TF: variants seen among roughly 807,000 people sequenced by gnomAD.
The protein encoded by TF is transferrin.
Under a neutral mutation model 82.4 loss-of-function variants are expected in TF, and 55 were observed. That is an observed-to-expected ratio of 0.67 (90% CI 0.54 to 0.84). TF has a LOEUF of 0.84. Among genes scored for constraint, TF ranks in the 40% least tolerant of loss-of-function variants. The pLI is 0.00. For missense variants in TF, 737 were observed against 868.4 expected, an observed-to-expected ratio of 0.85 and a Z score of 1.90; for synonymous variants, 332 against 332.6, an observed-to-expected ratio of 1.00 and a Z score of 0.02.
At position 133,778,945 on chromosome 3, in the gene TF, C is replaced by T; in HGVS notation, c.*325C>T. 1 of 342,692 alleles carries T rather than the reference C, an allele frequency of 2.9e-6. No individual in the cohort carries two copies. The highest frequency in any genetic ancestry group is 2.6e-5 in the South Asian group (1 of 38,892). The allele number at this position is 342,692 out of a possible 1,614,324, so 21.2% of individuals were successfully genotyped here. A position where few individuals can be genotyped will look rare whatever the true frequency, so the allele number is the denominator to read the frequency against. On this transcript the variant is annotated 3_prime_UTR_variant, in exon 17 of 17. Coordinates refer to ENST00000402696, the MANE Select transcript of TF (RefSeq NM_001063.4). ...GTGCCATGGCCACATCTCCTGGGTA[C>T]AGTTCAAGGAGACATCTTTTCTAAA...
chr3:133,671,372 A>G, the TF span, among the ~76,000 whole-genome samples: 1 of 152,240 alleles, frequency 6.6e-6, no homozygotes, highest in Non-Finnish European at 1.5e-5. Flanking sequence ...CTGAATAACC[A>G]TGAAGTTATA....
the TF span, among the ~76,000 whole-genome samples, chr3:133,740,986 ATTTTTT>A: frequency 2.1e-5 from 1 of 47,452 alleles, no homozygotes; most frequent in African/African-American, 9.5e-5. Flanking sequence ...ATCCAGCTCT[ATTTTTT>A]TTTTTTTTTT....
rs1299245120 is a variant in TF at position 133,794,667 on chromosome 3, G to A, written c.*16047G>A. The A allele has an allele frequency of 3.3e-5, 5 of 152,160 alleles. No individual in the cohort carries two copies. The highest frequency in any genetic ancestry group is 7.3e-5 in the Non-Finnish European group (5 of 68,036). The allele number at this position is 152,160 out of a possible 1,614,324, so 9.4% of individuals were successfully genotyped here. On this transcript the variant is annotated 3_prime_UTR_variant, in exon 17 of 17. Transcript: ENST00000402696. The stretch of plus-strand genomic sequence containing the variant: ...ACTTTGGGTTCATGATCTCACAACT[G>A]AGAAGAGTCCCTCCACACTCTTGGA...
the TF span, among the ~76,000 whole-genome samples, chr3:133,678,529 CCTGA>C: frequency 6.6e-6 from 1 of 152,196 alleles, no homozygotes; most frequent in Non-Finnish European, 1.5e-5. Flanking sequence ...TCTGTTGTTT[CCTGA>C]CTTTTTAATT....
At chr3:133,705,328 C>G in the TF span, among the ~76,000 whole-genome samples, 1 of 151,870 alleles carries the variant, frequency 6.6e-6, no homozygotes, top group Non-Finnish European at 1.5e-5. Flanking sequence ...AAGACTGAAT[C>G]CAGATCTTTC....
chr3:133,683,608 C>T, the TF span, among the ~76,000 whole-genome samples: 3 of 152,086 alleles, frequency 2.0e-5, no homozygotes, highest in Non-Finnish European at 4.4e-5. Flanking sequence ...ACAAAGAAGG[C>T]CGTTACATAA....
chr3:133,771,714 G>A (rs8177296), intron 14 of TF, among the ~76,000 whole-genome samples: 1,470 of 128,642 alleles, frequency 0.011, 9 homozygotes, highest in Non-Finnish European at 0.015. Flanking sequence ...TCCGCAGTCC[G>A]GCCTGGGCGA....
the TF span, among the ~76,000 whole-genome samples, chr3:133,692,287 G>T: frequency 1.3e-5 from 2 of 152,236 alleles, no homozygotes; most frequent in African/African-American, 4.8e-5. Context: ...TTGTCCATTA[G>T]TGTCATCGTG....
At chr3:133,721,846 G>A in the TF span, among the ~76,000 whole-genome samples, 1 of 151,852 alleles carries the variant, frequency 6.6e-6, no homozygotes, top group African/African-American at 2.4e-5. Flanking sequence ...ATCATATAAT[G>A]ACCTTCTTTG....
chr3:133,724,583 A>C, the TF span, among the ~76,000 whole-genome samples: 1 of 152,072 alleles, frequency 6.6e-6, no homozygotes, highest in Non-Finnish European at 1.5e-5. Flanking sequence ...CGGTTGCGAA[A>C]ATTTTCTCCC....
chr3:133,699,094 G>C, the TF span, among the ~76,000 whole-genome samples: 2 of 152,250 alleles, frequency 1.3e-5, no homozygotes, highest in Admixed American at 6.5e-5. Context: ...TCTCCAAGTT[G>C]TTGTGAGGAT....
chr3:133,764,804 A>C (rs58479550), intron 10 of TF, 71 bp from the exon 11 acceptor site: 7 of 1,432,358 alleles, frequency 4.9e-6, no homozygotes, highest in Non-Finnish European at 6.8e-6. Context: ...GCTGCAGCAT[A>C]AAAAAAAGGC....
rs78537082 is a variant in TF at position 133,795,767 on chromosome 3, G to A, written c.*17147G>A. The A allele has an allele frequency of 0.042, 6,393 of 151,870 alleles. 154 individuals carry two copies. Among genetic ancestry groups the A allele is most frequent in the South Asian group, 0.066 (318 of 4,782 alleles). 9.4% of individuals were successfully genotyped at this position (151,870 alleles called of 1,614,324 possible). On this transcript the variant is annotated 3_prime_UTR_variant, in exon 17 of 17. Transcript: ENST00000402696. ...ATTTTTTTGTATTTTTAGTGGAGAC[G>A]GGGTTTCACCATGTTAGCCAGGATG...
rs1280897048 is a variant in TF at position 133,782,798 on chromosome 3, A to G, written c.*4178A>G. ...TGACAAAACCCCATCTCTGCAAAAA[A>G]AAAAAAAAAAACAAAAAAAACCCCA... On this transcript the variant is annotated 3_prime_UTR_variant, in exon 17 of 17. Transcript: ENST00000402696. The G allele has an allele frequency of 6.6e-6, 1 of 151,474 alleles. No homozygotes were observed. Among genetic ancestry groups the G allele is most frequent in the African/African-American group, 2.4e-5 (1 of 41,162 alleles). 9.4% of individuals were successfully genotyped at this position (151,474 alleles called of 1,614,324 possible). A position where few individuals can be genotyped will look rare whatever the true frequency, so the allele number is the denominator to read the frequency against.
At chr3:133,720,369 T>C in the TF span, among the ~76,000 whole-genome samples, 1 of 152,200 alleles carries the variant, frequency 6.6e-6, no homozygotes, top group Non-Finnish European at 1.5e-5. Flanking sequence ...GGTTTTTGTC[T>C]TTTATTCTAT....
the TF span, among the ~76,000 whole-genome samples, chr3:133,681,915 C>G: frequency 0.014 from 2,090 of 152,322 alleles, 21 homozygotes; most frequent in Non-Finnish European, 0.022. Context: ...AAGTGGGTCC[C>G]TGACCCCCGA....
At position 133,771,743 on chromosome 3, in the gene TF, CA is replaced by C. The variant is rs71136494; in HGVS notation, c.1687+1194del. Among the ~76,000 whole-genome samples, 206 of 56,498 alleles carry C rather than the reference CA, an allele frequency of 3.6e-3. 1 individual carries two copies. Among genetic ancestry groups the C allele is most frequent in the Middle Eastern group, 0.013 (1 of 76 alleles). 37.1% of individuals were successfully genotyped at this position (56,498 alleles called of 152,430 possible). On this transcript the variant is annotated intron_variant, in intron 14 of 16. Transcript: ENST00000402696. ...TGGGCGACAGAGCGAGACTCCGTCTCAAAAAAAAAAAAAAAAAAAAAAAGAA... is the reference window on the plus strand; with the variant it reads ...TGGGCGACAGAGCGAGACTCCGTCTCAAAAAAAAAAAAAAAAAAAAAAGAA...
intron 10 of TF, among the ~76,000 whole-genome samples, chr3:133,764,575 T>C (rs528842574): frequency 6.6e-6 from 1 of 152,298 alleles, no homozygotes; most frequent in African/African-American, 2.4e-5. Context: ...GTTCCAAAAC[T>C]CACACTTCTC....
At chr3:133,682,410 CG>C in the TF span, among the ~76,000 whole-genome samples, 11 of 152,022 alleles carry the variant, frequency 7.2e-5, no homozygotes, top group Non-Finnish European at 1.3e-4. Context: ...TAAACTTCTC[CG>C]AGCTAAAGAA....
Sources: allele counts gnomAD v4.1 joint callset (sites outside exome capture counted in the v4.1 genomes callset), GRCh38; gene constraint gnomAD v4.1.1; transcripts MANE v1.5; gene names NCBI Gene and HGNC (gene_info 2026-07-23, HGNC 2026-07-21).